The following GALNT17 variants were observed in gnomAD, a reference collection of about 807,000 sequenced individuals.
GALNT17 encodes UDP-GalNAc:polypeptide N-acetylgalactosaminyltransferase-like 3.
GALNT17 carries 29 observed loss-of-function variants against 63.7 expected under a neutral mutation model. That is an observed-to-expected ratio of 0.46 (90% CI 0.34 to 0.62). GALNT17 has a LOEUF of 0.62. Ranked by LOEUF, GALNT17 falls within the 20% of genes least tolerant of loss-of-function variation. The pLI, the probability that GALNT17 is intolerant of heterozygous loss-of-function variation, is 0.01. For missense variants in GALNT17, 603 were observed against 799.6 expected (o/e 0.75, Z 2.97); for synonymous variants, 305 against 318.3 (o/e 0.96, Z 0.45).
intron 6 of GALNT17, among the ~76,000 whole-genome samples, chr7:71,656,451 G>A (rs1268789720): frequency 2.6e-5 from 4 of 152,062 alleles, no homozygotes; most frequent in Admixed American, 6.6e-5. Context: ...GCAGAGATGA[G>A]GCTGCAGGGG....
intron 5 of GALNT17, among the ~76,000 whole-genome samples, chr7:71,506,726 T>A (rs1788275655): frequency 6.6e-6 from 1 of 152,216 alleles, no homozygotes; most frequent in Non-Finnish European, 1.5e-5. Context: ...TGTCATTTCT[T>A]TGTGTTGTAC....
At chr7:71,299,521 A>T (rs1791154732) in intron 1 of GALNT17, among the ~76,000 whole-genome samples, 1 of 152,140 alleles carries the variant, frequency 6.6e-6, no homozygotes, top group Non-Finnish European at 1.5e-5. Context: ...CCACAGATTT[A>T]CAGTCTCAGT....
chr7:71,222,663 G>C (rs1034448699), intron 1 of GALNT17, among the ~76,000 whole-genome samples: 2 of 152,150 alleles, frequency 1.3e-5, no homozygotes, highest in Non-Finnish European at 2.9e-5. Context: ...AGTTTGACTG[G>C]CTTTTATTCA....
chr7:71,662,773 G>A (rs1214752606), intron 6 of GALNT17, among the ~76,000 whole-genome samples: 1 of 152,064 alleles, frequency 6.6e-6, no homozygotes, highest in Non-Finnish European at 1.5e-5. Flanking sequence ...TTAATCAATT[G>A]TTGGGACATT....
intron 5 of GALNT17, among the ~76,000 whole-genome samples, chr7:71,543,689 C>T (rs528496662): frequency 5.0e-5 from 6 of 119,744 alleles, no homozygotes; most frequent in Admixed American, 4.8e-4. Flanking sequence ...GGAGTTGCAG[C>T]GTTTCAGCAG....
rs192038811 is a variant in GALNT17, at chr7:71,633,532, T to C, written c.1081-31879T>C. Among the ~76,000 whole-genome samples, 57 of 152,282 alleles carry C rather than the reference T, an allele frequency of 3.7e-4. No individual in the cohort carries two copies. In the East Asian group the frequency reaches 7.2e-3, roughly 19 times the overall value. On this transcript the variant is annotated intron_variant, in intron 6 of 10. Coordinates refer to ENST00000333538, the MANE Select transcript of GALNT17 (RefSeq NM_022479.3). The stretch of plus-strand genomic sequence containing the variant: ...AGGGAAATGTGGCCGAGGAAATGAA[T>C]GCGGCTGTCAGTATTTACCGGCTCA...
At chr7:71,348,127 G>A (rs189710741) in intron 2 of GALNT17, among the ~76,000 whole-genome samples, 1 of 152,134 alleles carries the variant, frequency 6.6e-6, no homozygotes, top group African/African-American at 2.4e-5. Flanking sequence ...TGAGCGTGGT[G>A]GTGGGTGCCT....
intron 1 of GALNT17, among the ~76,000 whole-genome samples, chr7:71,257,515 A>G (rs62457811): frequency 1.3e-3 from 202 of 152,342 alleles, no homozygotes; most frequent in Non-Finnish European, 2.2e-3. Flanking sequence ...TGGCTTGTCA[A>G]TATAATTTAC....
intron 1 of GALNT17, among the ~76,000 whole-genome samples, chr7:71,144,491 G>A (rs561358957): frequency 2.0e-5 from 3 of 152,242 alleles, no homozygotes; most frequent in African/African-American, 7.2e-5. Flanking sequence ...AGTACAAGAG[G>A]TCACACCTAT....
chr7:71,633,614 T>G (rs1790488321), intron 6 of GALNT17, among the ~76,000 whole-genome samples: 1 of 152,196 alleles, frequency 6.6e-6, no homozygotes, highest in Non-Finnish European at 1.5e-5. Context: ...TCATATAACA[T>G]GCCTCATTGC....
At chr7:71,259,817 A>G (rs971356350) in intron 1 of GALNT17, among the ~76,000 whole-genome samples, 12 of 151,208 alleles carry the variant, frequency 7.9e-5, no homozygotes, top group African/African-American at 2.4e-4. Flanking sequence ...AATTTTTTGT[A>G]TTTTTAGTAG....
At chr7:71,150,277 A>AC in intron 1 of GALNT17, among the ~76,000 whole-genome samples, 1 of 152,136 alleles carries the variant, frequency 6.6e-6, no homozygotes, top group East Asian at 1.9e-4. Context: ...GCGGCATAGA[A>AC]CTACCGTGGT....
chr7:71,698,474 T>C (rs1485243836), intron 9 of GALNT17, among the ~76,000 whole-genome samples: 2 of 152,176 alleles, frequency 1.3e-5, no homozygotes, highest in Admixed American at 6.5e-5. Context: ...TCAGATTTGG[T>C]ATCCTAATGT....
rs369957831 is a variant in GALNT17 at position 71,265,188 on chromosome 7, G to A, written c.239-70362G>A. ...GTCACTCAGTCTGGAGTGCAGTGGC[G>A]CGATCTTGGCTCACTGCAACCTCCG... On this transcript the variant is annotated intron_variant, in intron 1 of 10. Coordinates refer to ENST00000333538, the MANE Select transcript of GALNT17 (RefSeq NM_022479.3). 3.1e-4 allele frequency among the ~76,000 whole-genome samples: 43 copies of A among 137,914 alleles called. No individual in the cohort carries two copies. The South Asian group carries it at 7.6e-3, about 24-fold the overall frequency. 90.5% of individuals were successfully genotyped at this position (137,914 alleles called of 152,430 possible). A position where few individuals can be genotyped will look rare whatever the true frequency, so the allele number is the denominator to read the frequency against.
At chr7:71,203,114 T>C (rs894587608) in intron 1 of GALNT17, among the ~76,000 whole-genome samples, 1 of 152,034 alleles carries the variant, frequency 6.6e-6, no homozygotes, top group Admixed American at 6.6e-5. Flanking sequence ...AACATGAGAG[T>C]GCTGATATCT....
intron 6 of GALNT17, among the ~76,000 whole-genome samples, chr7:71,638,291 T>C (rs1790556423): frequency 6.6e-6 from 1 of 152,222 alleles, no homozygotes; most frequent in South Asian, 2.1e-4. Flanking sequence ...AAGGTCTTTA[T>C]GACCTGTATC....
chr7:71,380,418 C>T (rs1792823233), intron 2 of GALNT17, among the ~76,000 whole-genome samples: 3 of 152,108 alleles, frequency 2.0e-5, no homozygotes, highest in Non-Finnish European at 4.4e-5. Flanking sequence ...CCCCAGCAGC[C>T]TTGAACTCCT....
At chr7:71,602,934 A>G (rs1033518291) in intron 6 of GALNT17, among the ~76,000 whole-genome samples, 3 of 152,168 alleles carry the variant, frequency 2.0e-5, no homozygotes, top group African/African-American at 7.2e-5. Context: ...TGCATATACC[A>G]GGTACCATGC....
chr7:71,427,857 C>T (rs1786788225), intron 5 of GALNT17, among the ~76,000 whole-genome samples: 1 of 152,080 alleles, frequency 6.6e-6, no homozygotes, highest in East Asian at 1.9e-4. Flanking sequence ...GAGCACAAAT[C>T]CTATTGTGAA....
Sources: allele counts gnomAD v4.1 joint callset (sites outside exome capture counted in the v4.1 genomes callset), GRCh38; gene constraint gnomAD v4.1.1; transcripts MANE v1.5; gene names NCBI Gene and HGNC (gene_info 2026-07-23, HGNC 2026-07-21).